ROBO2: variants seen among roughly 807,000 people sequenced by gnomAD.
The protein encoded by ROBO2 is roundabout guidance receptor 2, also known as roundabout homolog 2.
A neutral mutation model predicts 160.8 loss-of-function variants in ROBO2; 53 were observed. That is an observed-to-expected ratio of 0.33 (90% CI 0.26 to 0.41). The LOEUF is 0.41. Ranked by LOEUF, ROBO2 falls within the 10% of genes least tolerant of loss-of-function variation. ROBO2 has a pLI of 1.00. For synonymous variants in ROBO2, 664 were observed against 611.7 expected, an observed-to-expected ratio of 1.09 and a Z score of -1.26; for missense variants, 1,577 against 1,722.4, an observed-to-expected ratio of 0.92 and a Z score of 1.49.
At chr3:76,616,145 A>G (rs1257714014) in intron 2 of ROBO2, among the ~76,000 whole-genome samples, 1 of 152,234 alleles carries the variant, frequency 6.6e-6, no homozygotes, top group Non-Finnish European at 1.5e-5. Context: ...TTAGAAAAAT[A>G]ACTTTTCAAA....
At chr3:76,291,665 C>T (rs1414503211) in intron 2 of ROBO2, among the ~76,000 whole-genome samples, 2 of 151,980 alleles carry the variant, frequency 1.3e-5, no homozygotes, top group African/African-American at 4.8e-5. Context: ...GTGTTTAGTG[C>T]TTTACTTTCC....
chr3:76,804,540 A>G (rs1302284051), intron 2 of ROBO2, among the ~76,000 whole-genome samples: 1 of 152,226 alleles, frequency 6.6e-6, no homozygotes, highest in Non-Finnish European at 1.5e-5. Flanking sequence ...CTTTCTGCAT[A>G]GACTGCATTT....
intron 2 of ROBO2, among the ~76,000 whole-genome samples, chr3:77,453,737 C>T (rs919575812): frequency 1.1e-4 from 16 of 152,084 alleles, no homozygotes; most frequent in Non-Finnish European, 2.2e-4. Context: ...TTCTTGAAGA[C>T]AGAAACTCTA....
At chr3:76,312,980 T>C (rs1363238009) in intron 2 of ROBO2, among the ~76,000 whole-genome samples, 1 of 152,238 alleles carries the variant, frequency 6.6e-6, no homozygotes, top group Non-Finnish European at 1.5e-5. Context: ...AAATGTTTCC[T>C]CTTTGAACAT....
At chr3:77,493,824 G>A (rs2086441459) in intron 5 of ROBO2, among the ~76,000 whole-genome samples, 1 of 152,050 alleles carries the variant, frequency 6.6e-6, no homozygotes, top group Admixed American at 6.5e-5. Context: ...TGTAAGTCCT[G>A]GAGTAAAGGA....
chr3:76,414,381 G>A (rs1422324647), intron 2 of ROBO2, among the ~76,000 whole-genome samples: 1 of 151,994 alleles, frequency 6.6e-6, no homozygotes, highest in Non-Finnish European at 1.5e-5. Flanking sequence ...CAGTTAGTTG[G>A]TGGTATATCA....
At chr3:76,702,711 A>G (rs1206863738) in intron 2 of ROBO2, among the ~76,000 whole-genome samples, 1 of 152,086 alleles carries the variant, frequency 6.6e-6, no homozygotes, top group Non-Finnish European at 1.5e-5. Context: ...ATTCTGAGTT[A>G]GATGAAAAGA....
At chr3:77,621,940 C>T (rs908429587) in intron 22 of ROBO2, among the ~76,000 whole-genome samples, 4 of 152,166 alleles carry the variant, frequency 2.6e-5, no homozygotes, top group Middle Eastern at 3.4e-3. Flanking sequence ...TATTCCTAGT[C>T]CCCTCTAGAT....
intron 1 of ROBO2, among the ~76,000 whole-genome samples, chr3:77,086,130 T>G (rs2069273710): frequency 6.6e-6 from 1 of 152,072 alleles, no homozygotes; most frequent in Non-Finnish European, 1.5e-5. Context: ...GGCATCAACA[T>G]TTGCTTTAAA....
At chr3:77,525,344 A>G (rs1473368270) in intron 6 of ROBO2, among the ~76,000 whole-genome samples, 3 of 150,304 alleles carry the variant, frequency 2.0e-5, no homozygotes, top group Non-Finnish European at 4.5e-5. Context: ...ACATTAGCCA[A>G]TTGGGGAAAA....
chr3:76,394,432 G>C (rs1029563250), intron 2 of ROBO2, among the ~76,000 whole-genome samples: 1 of 151,998 alleles, frequency 6.6e-6, no homozygotes, highest in Non-Finnish European at 1.5e-5. Flanking sequence ...AATTCTTTAA[G>C]AATGTTGAAT....
intron 2 of ROBO2, among the ~76,000 whole-genome samples, chr3:76,509,699 G>T (rs2080982155): frequency 6.6e-6 from 1 of 152,132 alleles, no homozygotes; most frequent in Non-Finnish European, 1.5e-5. Flanking sequence ...CTCCTCACAA[G>T]AATTATTCCA....
intron 1 of ROBO2, among the ~76,000 whole-genome samples, chr3:75,914,959 A>T (rs1047425771): frequency 6.6e-6 from 1 of 152,156 alleles, no homozygotes; most frequent in African/African-American, 2.4e-5. Context: ...GCCCACCCAC[A>T]TCACTGGGGA....
At chr3:77,384,356 G>A (rs2073881805) in intron 2 of ROBO2, among the ~76,000 whole-genome samples, 1 of 152,122 alleles carries the variant, frequency 6.6e-6, no homozygotes, top group Non-Finnish European at 1.5e-5. Flanking sequence ...TTCCCAGCAA[G>A]TCCATCTCTT....
intron 2 of ROBO2, among the ~76,000 whole-genome samples, chr3:76,013,386 T>G (rs1487718854): frequency 7.0e-6 from 1 of 142,562 alleles, no homozygotes; most frequent in African/African-American, 2.7e-5. Flanking sequence ...ATAAAGGCAA[T>G]TGACGACTGG....
intron 2 of ROBO2, among the ~76,000 whole-genome samples, chr3:76,445,014 C>G (rs747944159): frequency 5.9e-5 from 9 of 152,116 alleles, no homozygotes; most frequent in Non-Finnish European, 7.4e-5. Flanking sequence ...GCAGAATCAA[C>G]ATTCTTTATT....
At chr3:76,827,265 T>C (rs2109252444) in intron 2 of ROBO2, among the ~76,000 whole-genome samples, 1 of 152,288 alleles carries the variant, frequency 6.6e-6, no homozygotes, top group South Asian at 2.1e-4. Flanking sequence ...TTCAGGCAGA[T>C]GTTTCAGATT....
chr3:76,375,336 C>T (rs1005595286), intron 2 of ROBO2, among the ~76,000 whole-genome samples: 1 of 151,888 alleles, frequency 6.6e-6, no homozygotes, highest in African/African-American at 2.4e-5. Flanking sequence ...TAAGCAAAGG[C>T]AAATAGATAA....
chr3:76,421,968 T>C (rs2076013408), intron 2 of ROBO2, among the ~76,000 whole-genome samples: 1 of 152,144 alleles, frequency 6.6e-6, no homozygotes, highest in Non-Finnish European at 1.5e-5. Flanking sequence ...CAATTCTTGC[T>C]TCCTGACATG....
Sources: allele counts gnomAD v4.1 joint callset (sites outside exome capture counted in the v4.1 genomes callset), GRCh38; gene constraint gnomAD v4.1.1; transcripts MANE v1.5; gene names NCBI Gene and HGNC (gene_info 2026-07-23, HGNC 2026-07-21).